PTPRO: variants seen among roughly 807,000 people sequenced by gnomAD.
PTPRO encodes receptor-type tyrosine-protein phosphatase O.
Under a neutral mutation model 145.2 loss-of-function variants are expected in PTPRO, and 62 were observed. The ratio of observed to expected loss-of-function variants is 0.43; its 90% CI spans 0.35 to 0.53. The LOEUF (loss-of-function observed/expected upper bound fraction) is 0.53, where lower values mean the gene tolerates loss of function less well. PTPRO is among the 20% of genes least tolerant of loss of function. PTPRO has a pLI of 0.01. For missense variants in PTPRO, 1,345 were observed against 1,482.7 expected, an observed-to-expected ratio of 0.91 and a Z score of 1.53; for synonymous variants, 565 against 514.7, an observed-to-expected ratio of 1.10 and a Z score of -1.32.
intron 2 of PTPRO, among the ~76,000 whole-genome samples, chr12:15,494,187 T>A (rs1324020313): frequency 6.6e-6 from 1 of 152,194 alleles, no homozygotes; most frequent in East Asian, 1.9e-4. Flanking sequence ...TTCAAATATA[T>A]TTTCTAATAC....
intron 1 of PTPRO, among the ~76,000 whole-genome samples, chr12:15,333,681 T>C (rs569712847): frequency 6.6e-6 from 1 of 152,282 alleles, no homozygotes; most frequent in East Asian, 1.9e-4. Context: ...GGGGAGGCAG[T>C]GGCACCAGGG....
intron 1 of PTPRO, among the ~76,000 whole-genome samples, chr12:15,427,943 T>C (rs1940328256): frequency 6.6e-6 from 1 of 152,176 alleles, no homozygotes; most frequent in Non-Finnish European, 1.5e-5. Flanking sequence ...ATTTCCATTC[T>C]TATGTTATTA....
intron 1 of PTPRO, among the ~76,000 whole-genome samples, chr12:15,323,320 G>A (rs1036360806): frequency 5.3e-5 from 8 of 152,126 alleles, no homozygotes; most frequent in African/African-American, 1.4e-4. Context: ...GTCAGGTAGA[G>A]AGCTTGGTAA....
chr12:15,462,085 T>C (rs113568547), intron 1 of PTPRO, among the ~76,000 whole-genome samples: 9 of 152,270 alleles, frequency 5.9e-5, no homozygotes, highest in African/African-American at 2.2e-4. Flanking sequence ...TTGCCTGAAA[T>C]ATACCACACA....
intron 1 of PTPRO, among the ~76,000 whole-genome samples, chr12:15,461,940 T>C (rs1003237838): frequency 6.6e-6 from 1 of 152,120 alleles, no homozygotes; most frequent in Non-Finnish European, 1.5e-5. Flanking sequence ...CTAGTATTCC[T>C]TTGTTCCCAA....
At chr12:15,356,485 G>C (rs1357481782) in intron 1 of PTPRO, among the ~76,000 whole-genome samples, 1 of 152,084 alleles carries the variant, frequency 6.6e-6, no homozygotes, top group East Asian at 1.9e-4. Flanking sequence ...TGGAGGGGTG[G>C]GTAGCTCTGA....
At chr12:15,337,813 C>A (rs557464571) in intron 1 of PTPRO, among the ~76,000 whole-genome samples, 3 of 152,266 alleles carry the variant, frequency 2.0e-5, no homozygotes, top group Non-Finnish European at 2.9e-5. Flanking sequence ...AAAAGTCCAT[C>A]TCAAAAGGTC....
At chr12:15,480,754 G>C (rs575616833) in intron 1 of PTPRO, among the ~76,000 whole-genome samples, 3 of 151,246 alleles carry the variant, frequency 2.0e-5, no homozygotes, top group African/African-American at 4.8e-5. Flanking sequence ...TGGATGGATG[G>C]ATGGATGGAT....
intron 2 of PTPRO, among the ~76,000 whole-genome samples, chr12:15,496,624 T>C (rs1225800932): frequency 1.3e-5 from 2 of 152,182 alleles, no homozygotes; most frequent in Non-Finnish European, 2.9e-5. Context: ...AATGAACTAC[T>C]CAAGCAAAAT....
chr12:15,527,285 C>A, intron 12 of PTPRO, among the ~76,000 whole-genome samples: 1 of 152,196 alleles, frequency 6.6e-6, no homozygotes. Flanking sequence ...TGCCTGGCAA[C>A]AAGTGTGCAG....
chr12:15,510,294 T>A (rs1942412184), intron 7 of PTPRO, among the ~76,000 whole-genome samples: 1 of 152,194 alleles, frequency 6.6e-6, no homozygotes. Context: ...AAGGAATAAA[T>A]ATGCTAAACC....
At chr12:15,343,890 G>T (rs181385075) in intron 1 of PTPRO, among the ~76,000 whole-genome samples, 109 of 152,160 alleles carry the variant, frequency 7.2e-4, no homozygotes, top group African/African-American at 2.5e-3. Context: ...TTCACTGTGT[G>T]AGCCAGGATG....
chr12:15,448,053 C>T (rs1019468074), intron 1 of PTPRO, among the ~76,000 whole-genome samples: 4 of 151,964 alleles, frequency 2.6e-5, no homozygotes, highest in African/African-American at 9.7e-5. Flanking sequence ...CTTGTGGTAA[C>T]TGTAATAATA....
intron 1 of PTPRO, among the ~76,000 whole-genome samples, chr12:15,330,193 G>C (rs986367921): frequency 6.6e-6 from 1 of 152,210 alleles, no homozygotes; most frequent in Non-Finnish European, 1.5e-5. Context: ...AGCCAGCCTG[G>C]AAGAATTAAA....
intron 1 of PTPRO, among the ~76,000 whole-genome samples, chr12:15,344,780 C>T (rs1369358845): frequency 6.6e-6 from 1 of 152,210 alleles, no homozygotes; most frequent in East Asian, 1.9e-4. Flanking sequence ...ACCAACCTCA[C>T]ACTTCCATGG....
chr12:15,594,729 A>G (rs1046659919), intron 25 of PTPRO, among the ~76,000 whole-genome samples: 9 of 152,074 alleles, frequency 5.9e-5, no homozygotes, highest in Non-Finnish European at 1.5e-5. Context: ...GTTTTTTTAA[A>G]AAAGCCATGA....
chr12:15,574,785 C>A (rs540139248), intron 19 of PTPRO, among the ~76,000 whole-genome samples: 1 of 152,088 alleles, frequency 6.6e-6, no homozygotes. Flanking sequence ...TGTAATCATG[C>A]GATTCAGAAA....
chr12:15,518,705 C>G (rs977974521), intron 9 of PTPRO, among the ~76,000 whole-genome samples: 5 of 152,150 alleles, frequency 3.3e-5, no homozygotes, highest in African/African-American at 1.2e-4. Context: ...TTCCAAAATC[C>G]CTAAGGGAGG....
intron 9 of PTPRO, among the ~76,000 whole-genome samples, chr12:15,519,797 C>T (rs1942675697): frequency 6.6e-6 from 1 of 152,158 alleles, no homozygotes; most frequent in Non-Finnish European, 1.5e-5. Flanking sequence ...ACCCTCTACC[C>T]AGTTGAAGAC....
Sources: allele counts gnomAD v4.1 joint callset (sites outside exome capture counted in the v4.1 genomes callset), GRCh38; gene constraint gnomAD v4.1.1; transcripts MANE v1.5; gene names NCBI Gene and HGNC (gene_info 2026-07-23, HGNC 2026-07-21).